The following KALRN variants were observed in gnomAD, a reference collection of about 807,000 sequenced individuals.
KALRN encodes the protein kalirin.
KALRN carries 70 observed loss-of-function variants against 353.7 expected under a neutral mutation model. The observed-to-expected ratio is 0.20, with a 90% CI of 0.16 to 0.24. KALRN has a LOEUF of 0.24. Among genes scored for constraint, KALRN ranks in the 10% least tolerant of loss-of-function variants. The pLI is 1.00. For synonymous variants in KALRN, 1,391 were observed against 1,434.8 expected (o/e 0.97, Z 0.69); for missense variants, 2,791 against 3,756.7 (o/e 0.74, Z 6.72).
intron 1 of KALRN, among the ~76,000 whole-genome samples, chr3:124,135,351 T>C (rs1025591742): frequency 6.6e-6 from 1 of 152,020 alleles, no homozygotes; most frequent in African/African-American, 2.4e-5. Flanking sequence ...ATAAGAATGA[T>C]ACAGTGGACT....
intron 1 of KALRN, among the ~76,000 whole-genome samples, chr3:124,052,793 A>T (rs1187687222): frequency 6.6e-6 from 1 of 152,038 alleles, no homozygotes; most frequent in Non-Finnish European, 1.5e-5. Flanking sequence ...ATGAGGAATG[A>T]AGTCTATGTT....
intron 34 of KALRN, among the ~76,000 whole-genome samples, chr3:124,619,636 G>A (rs1038704126): frequency 1.3e-5 from 2 of 151,774 alleles, no homozygotes; most frequent in Non-Finnish European, 2.9e-5. Flanking sequence ...ACAGGTGCAT[G>A]CCACCACACC....
chr3:124,622,483 G>GT (rs555369924), intron 34 of KALRN, among the ~76,000 whole-genome samples: 3 of 152,162 alleles, frequency 2.0e-5, no homozygotes, highest in Non-Finnish European at 4.4e-5. Context: ...TTGAAACCGA[G>GT]TTTTTTCATT....
chr3:124,047,137 G>A (rs2040551381), intron 1 of KALRN, among the ~76,000 whole-genome samples: 1 of 152,070 alleles, frequency 6.6e-6, no homozygotes, highest in African/African-American at 2.4e-5. Flanking sequence ...ACAGGCGCTG[G>A]AAAAATAAAT....
intron 26 of KALRN, among the ~76,000 whole-genome samples, chr3:124,476,406 C>A (rs2061430883): frequency 6.6e-6 from 1 of 151,668 alleles, no homozygotes; most frequent in South Asian, 2.1e-4. Flanking sequence ...CTCATGAGGA[C>A]CAAATGAGTT....
chr3:124,397,335 GC>G (rs1178705232), intron 12 of KALRN, among the ~76,000 whole-genome samples: 2 of 152,192 alleles, frequency 1.3e-5, no homozygotes, highest in African/African-American at 4.8e-5. Flanking sequence ...GGAATAGGGA[GC>G]CCTGTGACCG....
At chr3:124,047,899 A>G (rs908156731) in intron 1 of KALRN, among the ~76,000 whole-genome samples, 1 of 152,166 alleles carries the variant, frequency 6.6e-6, no homozygotes, top group Non-Finnish European at 1.5e-5. Flanking sequence ...AATATAAAGG[A>G]TAGAAAAGCC....
chr3:124,181,194 TA>T (rs2073552349), intron 1 of KALRN, among the ~76,000 whole-genome samples: 1 of 151,310 alleles, frequency 6.6e-6, no homozygotes, highest in Admixed American at 6.6e-5. Flanking sequence ...GAGATTGCAG[TA>T]AGCCAAGATC....
intron 33 of KALRN, among the ~76,000 whole-genome samples, chr3:124,522,580 A>C (rs557478717): frequency 6.6e-6 from 1 of 152,172 alleles, no homozygotes; most frequent in South Asian, 2.1e-4. Context: ...CTCAAACTTG[A>C]GTGTACATCA....
At chr3:124,209,370 G>A (rs938017645) in intron 1 of KALRN, among the ~76,000 whole-genome samples, 2 of 151,734 alleles carry the variant, frequency 1.3e-5, no homozygotes, top group African/African-American at 4.8e-5. Context: ...GCTGGGTGGT[G>A]GTGGTGTGTG....
chr3:124,666,767 G>T, intron 46 of KALRN, 133 bp downstream of exon 46: 1 of 785,638 alleles, frequency 1.3e-6, no homozygotes, highest in East Asian at 2.6e-5. Flanking sequence ...ATTCGGTCAT[G>T]GAGGCTGCAC....
chr3:124,506,630 GCAACT>G (rs144700299), intron 33 of KALRN, among the ~76,000 whole-genome samples: 16,105 of 152,192 alleles, frequency 0.11, 1,035 homozygotes, highest in Non-Finnish European at 0.15. Flanking sequence ...CTGCCCTGTG[GCAACT>G]CAACTGCAAG....
chr3:124,038,587 C>A (rs1310372298), intron 1 of KALRN, among the ~76,000 whole-genome samples: 1 of 152,062 alleles, frequency 6.6e-6, no homozygotes, highest in African/African-American at 2.4e-5. Context: ...GCAGAGAAAC[C>A]TTTTTCTTTA....
chr3:124,670,349 G>C (rs1355270570), intron 47 of KALRN, among the ~76,000 whole-genome samples: 3 of 152,176 alleles, frequency 2.0e-5, no homozygotes, highest in Admixed American at 1.3e-4. Context: ...GATACAGTGG[G>C]CTGACTGTAT....
intron 7 of KALRN, among the ~76,000 whole-genome samples, chr3:124,328,888 C>A (rs117751306): frequency 6.6e-6 from 1 of 152,178 alleles, no homozygotes; most frequent in African/African-American, 2.4e-5. Context: ...ATAAACCATG[C>A]TTCTTTTTAA....
intron 41 of KALRN, 69 bp from the exon 42 acceptor site, chr3:124,658,362 C>G: frequency 8.4e-7 from 1 of 1,192,594 alleles, no homozygotes; most frequent in Non-Finnish European, 1.3e-6. Flanking sequence ...GAGGCCAGCA[C>G]GGCACTCTGA....
Position 124,347,274 on chromosome 3 carries a change from CTGTGTGTGTGTGTG to C in KALRN, c.1770+43_1770+56del, listed in dbSNP as rs61359186. On this transcript the variant is annotated intron_variant, in intron 10 of 59. Transcript: ENST00000682506. ...TTGAAGAGGTGGCTCAGGTGAGAAG[CTGTGTGTGTGTGTG>C]TGTGTGTGTGTGTGTGTGTGTGTGT... 4 of 1,153,298 alleles carry C rather than the reference CTGTGTGTGTGTGTG, an allele frequency of 3.5e-6. No homozygotes were observed. The highest frequency in any genetic ancestry group is 3.4e-6 in the Non-Finnish European group (3 of 878,874). The allele number at this position is 1,153,298 out of a possible 1,614,324, so 71.4% of individuals were successfully genotyped here.
intron 34 of KALRN, among the ~76,000 whole-genome samples, chr3:124,621,851 A>C (rs1175720741): frequency 6.6e-6 from 1 of 152,226 alleles, no homozygotes; most frequent in Non-Finnish European, 1.5e-5. Flanking sequence ...CATGCAGGAC[A>C]TATTATGTAA....
intron 19 of KALRN, 147 bp downstream of exon 19, chr3:124,442,206 TA>T: frequency 4.1e-6 from 2 of 493,342 alleles, no homozygotes; most frequent in Non-Finnish European, 3.6e-6. Context: ...GTGTGGGCAG[TA>T]ATGATTCATG....
Sources: allele counts gnomAD v4.1 joint callset (sites outside exome capture counted in the v4.1 genomes callset), GRCh38; gene constraint gnomAD v4.1.1; transcripts MANE v1.5; gene names NCBI Gene and HGNC (gene_info 2026-07-23, HGNC 2026-07-21).